KLHL12: variants seen among roughly 807,000 people sequenced by gnomAD.
KLHL12 encodes the protein kelch like family member 12.
A neutral mutation model predicts 60.8 loss-of-function variants in KLHL12; 17 were observed. That is an observed-to-expected ratio of 0.28 (90% CI 0.19 to 0.42). The LOEUF (loss-of-function observed/expected upper bound fraction) is 0.42, where lower values mean the gene tolerates loss of function less well. Ranked by LOEUF, KLHL12 falls within the 10% of genes least tolerant of loss-of-function variation. The probability of loss-of-function intolerance (pLI) is 1.00; values close to 1 mark genes in which losing one functional copy is unlikely to be tolerated. For synonymous variants in KLHL12, 220 were observed against 250.9 expected (o/e 0.88, Z 1.16); for missense variants, 468 against 722.3 (o/e 0.65, Z 4.04).
At chr1:202,919,956 A>G (rs1660635893) in intron 2 of KLHL12, 48 bp from the exon 3 acceptor site, 8 of 1,469,386 alleles carry the variant, frequency 5.4e-6, no homozygotes, top group African/African-American at 2.8e-5. Flanking sequence ...ATTCCACAAG[A>G]TAAAGGCAGA....
At chr1:202,928,526 G>T (rs946093491), upstream of KLHL12, 8 of 1,304,282 alleles carry the variant, frequency 6.1e-6, no homozygotes, top group African/African-American at 1.5e-5. Context: ...AACCCACAGA[G>T]GCCTCAAATT....
intron 6 of KLHL12, among the ~76,000 whole-genome samples, chr1:202,907,109 G>A (rs1425801186): frequency 1.3e-5 from 2 of 152,128 alleles, no homozygotes; most frequent in African/African-American, 4.8e-5. Context: ...TGTGTATAAA[G>A]CATATGAAAC....
rs140640368 is a variant in KLHL12 at position 202,906,608 on chromosome 1, G to C, written c.832+2402C>G. On this transcript the variant is annotated intron_variant, in intron 6 of 11. Coordinates refer to ENST00000367261, the MANE Select transcript of KLHL12 (RefSeq NM_021633.4). ...ACAATGTATTTAACATGAGTCAACT[G>C]TACATGTAAAAATGGTTAAGATGGT... 1.0e-3 allele frequency among the ~76,000 whole-genome samples: 152 copies of C among 152,080 alleles called. 2 individuals carry two copies. Among genetic ancestry groups the C allele is most frequent in the Admixed American group, 7.2e-3 (110 of 15,270 alleles).
In KLHL12 at chr1:202,892,385, T is replaced by C. The variant is rs184857519; in HGVS notation, c.*148A>G. ...AAGAACCAGGACGACGGGGAGTATG[T>C]GTCAAATAAGTACAATCATCACTGC... On this transcript the variant is annotated 3_prime_UTR_variant, in exon 12 of 12. Transcript: ENST00000367261. 2.5e-4 allele frequency: 194 copies of C among 774,014 alleles called. 3 individuals carry two copies. In the East Asian group the frequency reaches 4.3e-3, roughly 17 times the overall value. The allele number at this position is 774,014 out of a possible 1,614,324, so 47.9% of individuals were successfully genotyped here. A position where few individuals can be genotyped will look rare whatever the true frequency, so the allele number is the denominator to read the frequency against.
chr1:202,928,435 C>T, upstream of KLHL12: 1 of 1,182,274 alleles, frequency 8.5e-7, no homozygotes, highest in Non-Finnish European at 1.1e-6. Context: ...GAGAGAATTC[C>T]AACGCTTAAT....
chr1:202,919,772 C>T lies in KLHL12; in HGVS notation c.332G>A (p.Cys111Tyr). Residue 111 changes from cysteine (C) to tyrosine (Y), a missense_variant, in exon 3 of 12, where the codon TGT (cysteine) becomes TAT (tyrosine). This residue lies in a region of KLHL12 where 339 missense variants were observed against 525.0 expected (regional missense o/e 0.65). Transcript: ENST00000367261. ...GTCTGTACCTTTCAACTGAAGCAGA[C>T]AGGCTGCAGGAAGCAGTTCTTGTAC... Reference protein sequence around the residue: ...ENVQELLPAACLLQLKGVKQA... With the variant: ...ENVQELLPAAYLLQLKGVKQA... 6.2e-7 allele frequency: 1 copy of T among 1,611,180 alleles called. No homozygotes were observed. Among genetic ancestry groups the T allele is most frequent in the Non-Finnish European group, 8.5e-7 (1 of 1,179,112 alleles).
At position 202,892,449 on chromosome 1, in the gene KLHL12, C is replaced by G. The variant is rs780081659; in HGVS notation, c.*84G>C. 31 of 1,510,102 alleles carry G rather than the reference C, an allele frequency of 2.1e-5. No individual in the cohort carries two copies. The highest frequency in any genetic ancestry group is 3.5e-5 in the Admixed American group (2 of 57,408). 93.5% of individuals were successfully genotyped at this position (1,510,102 alleles called of 1,614,324 possible). A position where few individuals can be genotyped will look rare whatever the true frequency, so the allele number is the denominator to read the frequency against. On this transcript the variant is annotated 3_prime_UTR_variant, in exon 12 of 12. Coordinates refer to ENST00000367261, the MANE Select transcript of KLHL12 (RefSeq NM_021633.4). ...ATCACCCGGTGCACATAGTGAGAAA[C>G]AGACATTCTGGAAAGGATTTTTGAT... is the stretch of plus-strand genomic sequence containing the variant.
At chr1:202,915,663 T>G (rs1660501754) in intron 4 of KLHL12, among the ~76,000 whole-genome samples, 1 of 152,224 alleles carries the variant, frequency 6.6e-6, no homozygotes, top group African/African-American at 2.4e-5. Context: ...GAGCTCATAG[T>G]TGAGTGATTA....
chr1:202,892,376 G>A lies in KLHL12; in HGVS notation c.*157C>T. 2.9e-6 allele frequency: 2 copies of A among 700,850 alleles called. No homozygotes were observed. The highest frequency in any genetic ancestry group is 4.5e-6 in the Non-Finnish European group (2 of 448,176). 43.4% of individuals were successfully genotyped at this position (700,850 alleles called of 1,614,324 possible). ...CTCAGGAACAAGAACCAGGACGACG[G>A]GGAGTATGTGTCAAATAAGTACAAT... On this transcript the variant is annotated 3_prime_UTR_variant, in exon 12 of 12. Coordinates refer to ENST00000367261, the MANE Select transcript of KLHL12 (RefSeq NM_021633.4).
chr1:202,900,801 T>C (rs918839256), intron 6 of KLHL12, among the ~76,000 whole-genome samples: 2 of 151,912 alleles, frequency 1.3e-5, no homozygotes, highest in Admixed American at 6.6e-5. Flanking sequence ...GAGATGCAGG[T>C]TGCAGTGAGC....
intron 11 of KLHL12, 88 bp from the exon 12 acceptor site, chr1:202,892,747 T>C: frequency 7.0e-7 from 1 of 1,420,256 alleles, no homozygotes; most frequent in Non-Finnish European, 9.7e-7. Flanking sequence ...GAGGCTGAGG[T>C]AAGAGGATTG....
chr1:202,916,411 T>C (rs1660520933), intron 4 of KLHL12, among the ~76,000 whole-genome samples: 1 of 152,228 alleles, frequency 6.6e-6, no homozygotes, highest in East Asian at 1.9e-4. Flanking sequence ...CTCAGCATTT[T>C]AGGAGGCTGA....
rs1659813943 is a variant in KLHL12, at chr1:202,895,738, G to A, written c.940-21C>T. 1.2e-6 allele frequency: 2 copies of A among 1,604,318 alleles called. No homozygotes were observed. Among genetic ancestry groups the A allele is most frequent in the Non-Finnish European group, 1.7e-6 (2 of 1,173,086 alleles). On this transcript the variant is annotated intron_variant, in intron 7 of 11. Transcript: ENST00000367261. This position sits in a 1 kb window ranked among gnomAD's most constrained non-coding sequence, Gnocchi z 4.2. Reference sequence around the variant, plus strand: ...ATGCTCTATGGATTTGGAGAGAAGAGGTACAGAGCATTTCAGTTAGGCAAG... The same window carrying A: ...ATGCTCTATGGATTTGGAGAGAAGAAGTACAGAGCATTTCAGTTAGGCAAG...
intron 5 of KLHL12, among the ~76,000 whole-genome samples, chr1:202,910,297 T>C (rs555792200): frequency 1.3e-5 from 2 of 152,218 alleles, no homozygotes; most frequent in Non-Finnish European, 2.9e-5. Context: ...TCTGTGCTCC[T>C]AAACACAATG....
At chr1:202,903,603 G>A (rs1052311554) in intron 6 of KLHL12, among the ~76,000 whole-genome samples, 2 of 89,964 alleles carry the variant, frequency 2.2e-5, no homozygotes, top group Admixed American at 1.2e-4. Context: ...TTCCCTAGTA[G>A]CTGGGACCAC....
At chr1:202,927,347 T>C (rs1047987743), upstream of KLHL12, 36 of 860,442 alleles carry the variant, frequency 4.2e-5, no homozygotes, top group South Asian at 5.3e-5. Context: ...GTCTGTACCC[T>C]AGCGCGGGGC....
At chr1:202,913,442 CATTT>C (rs1221017616) in intron 4 of KLHL12, among the ~76,000 whole-genome samples, 5 of 152,156 alleles carry the variant, frequency 3.3e-5, no homozygotes, top group Non-Finnish European at 5.9e-5. Context: ...AAAGTTCATT[CATTT>C]GAGGGCTTTA....
intron 6 of KLHL12, among the ~76,000 whole-genome samples, chr1:202,898,557 A>C (rs1330183368): frequency 6.6e-6 from 1 of 152,210 alleles, no homozygotes; most frequent in Non-Finnish European, 1.5e-5. Flanking sequence ...TTTTCCAAAA[A>C]ACTGAGCCTG....
At position 202,902,334 on chromosome 1, in the gene KLHL12, G is replaced by C. The variant is rs370906064; in HGVS notation, c.833-5374C>G. Reference sequence around the variant, plus strand: ...AATCTCAGCTACTCGGGAGGCTGAGGCAGGAGAATCGCTTGAACTTGGGAA... The same window carrying C: ...AATCTCAGCTACTCGGGAGGCTGAGCCAGGAGAATCGCTTGAACTTGGGAA... On this transcript the variant is annotated intron_variant, in intron 6 of 11. Coordinates refer to ENST00000367261, the MANE Select transcript of KLHL12 (RefSeq NM_021633.4). 1.4e-4 allele frequency among the ~76,000 whole-genome samples: 22 copies of C among 151,936 alleles called. No individual in the cohort carries two copies. The South Asian group carries it at 1.5e-3, about 10-fold the overall frequency.
Sources: gnomAD v4.1 joint callset for allele counts (sites outside exome capture counted in the v4.1 genomes callset) on GRCh38, gnomAD v4.1.1 for gene constraint, gnomAD v4.1.1 regional missense constraint, Gnocchi (gnomAD v3.1) non-coding constraint, MANE v1.5 for transcripts, NCBI Gene and HGNC (gene_info 2026-07-23, HGNC 2026-07-21) for gene names.